The following CA10 variants were observed in gnomAD, a reference collection of about 807,000 sequenced individuals.
The protein encoded by CA10 is carbonic anhydrase-related protein 10.
A neutral mutation model predicts 44.2 loss-of-function variants in CA10; 14 were observed. That is an observed-to-expected ratio of 0.32 (90% CI 0.21 to 0.50). CA10 has a LOEUF of 0.50. CA10 is among the 20% of genes least tolerant of loss of function. The probability of loss-of-function intolerance (pLI) is 0.99; values close to 1 mark genes in which losing one functional copy is unlikely to be tolerated. For missense variants in CA10, 350 were observed against 409.7 expected (o/e 0.85, Z 1.26); for synonymous variants, 159 against 141.6 (o/e 1.12, Z -0.87).
chr17:51,856,077 G>A (rs1979027535), intron 3 of CA10, among the ~76,000 whole-genome samples: 1 of 152,200 alleles, frequency 6.6e-6, no homozygotes, highest in Non-Finnish European at 1.5e-5. Flanking sequence ...AAGCTGAAGA[G>A]GGTATTAGGA....
At chr17:52,012,169 T>C (rs1169905778) in intron 2 of CA10, among the ~76,000 whole-genome samples, 1 of 152,090 alleles carries the variant, frequency 6.6e-6, no homozygotes, top group African/African-American at 2.4e-5. Flanking sequence ...ATTATCTTGA[T>C]ATTACAGATG....
intron 3 of CA10, 98 bp downstream of exon 3, chr17:51,930,892 G>T: frequency 1.4e-6 from 2 of 1,408,870 alleles, no homozygotes; most frequent in Non-Finnish European, 2.0e-6. Context: ...TAGGTGGGAG[G>T]ACAAACTCAT....
At chr17:51,979,737 T>A (rs921218953) in intron 2 of CA10, among the ~76,000 whole-genome samples, 1 of 152,142 alleles carries the variant, frequency 6.6e-6, no homozygotes, top group Admixed American at 6.5e-5. Flanking sequence ...CCTTATTTGT[T>A]TACATGGATT....
In CA10 at chr17:51,685,126, A is replaced by C. The variant is rs76910609; in HGVS notation, c.466-31390T>G. 9.8e-5 allele frequency among the ~76,000 whole-genome samples: 15 copies of C among 152,320 alleles called. No individual in the cohort carries two copies. The East Asian group carries it at 2.9e-3, about 29-fold the overall frequency. On this transcript the variant is annotated intron_variant, in intron 4 of 8. Transcript: ENST00000451037. ...ACAAATATATGTTTGATCTCCAGAA[A>C]TATCCCTTACAATTAGGCTAGGGAT...
intron 3 of CA10, among the ~76,000 whole-genome samples, chr17:51,876,502 A>G (rs1980088526): frequency 6.6e-6 from 1 of 151,920 alleles, no homozygotes; most frequent in Non-Finnish European, 1.5e-5. Flanking sequence ...CTTTAGTGCA[A>G]AATGTCTCCA....
intron 3 of CA10, among the ~76,000 whole-genome samples, chr17:51,802,992 C>T (rs1351176790): frequency 1.3e-5 from 2 of 152,162 alleles, no homozygotes; most frequent in Non-Finnish European, 2.9e-5. Context: ...AATCTCAGGA[C>T]CCTGCCAGTT....
At chr17:52,086,204 G>A (rs1988113199) in intron 1 of CA10, among the ~76,000 whole-genome samples, 1 of 152,176 alleles carries the variant, frequency 6.6e-6, no homozygotes, top group African/African-American at 2.4e-5. Context: ...TTAAGATAAT[G>A]ATAGTGTTGA....
intron 1 of CA10, among the ~76,000 whole-genome samples, chr17:52,115,081 A>T (rs1988864078): frequency 6.6e-6 from 1 of 152,226 alleles, no homozygotes; most frequent in African/African-American, 2.4e-5. Context: ...GCCCACATGC[A>T]CTGAAGGAAT....
At chr17:51,634,377 A>G (rs1030239959) in intron 7 of CA10, among the ~76,000 whole-genome samples, 1 of 152,186 alleles carries the variant, frequency 6.6e-6, no homozygotes, top group Admixed American at 6.5e-5. Context: ...CAATACAGAT[A>G]GGTTAAGGAA....
intron 8 of CA10, 87 bp from the exon 9 acceptor site, chr17:51,631,693 T>A: frequency 8.6e-7 from 1 of 1,159,770 alleles, no homozygotes; most frequent in Non-Finnish European, 1.3e-6. Flanking sequence ...TTTTAGAGAA[T>A]TCCTCCAGAG....
At chr17:51,714,776 T>C (rs1916045985) in intron 4 of CA10, among the ~76,000 whole-genome samples, 3 of 152,190 alleles carry the variant, frequency 2.0e-5, no homozygotes, top group African/African-American at 4.8e-5. Context: ...TCTACACCTA[T>C]GAGGGATGAT....
At chr17:51,634,307 A>T (rs1020326344) in intron 7 of CA10, among the ~76,000 whole-genome samples, 4 of 152,190 alleles carry the variant, frequency 2.6e-5, no homozygotes, top group Admixed American at 2.0e-4. Flanking sequence ...CTCTCAAATA[A>T]ATGCTTTTTC....
At chr17:51,850,658 G>A (rs1356533631) in intron 3 of CA10, among the ~76,000 whole-genome samples, 1 of 152,210 alleles carries the variant, frequency 6.6e-6, no homozygotes, top group Admixed American at 6.5e-5. Flanking sequence ...CACATAGGCA[G>A]CAGATATTGC....
chr17:52,147,867 A>G (rs890738379), intron 1 of CA10, among the ~76,000 whole-genome samples: 2 of 152,090 alleles, frequency 1.3e-5, no homozygotes, highest in African/African-American at 4.8e-5. Context: ...TTTTTCTATA[A>G]CCCCTTTTTA....
chr17:51,829,752 GC>G (rs1402333013), intron 3 of CA10, among the ~76,000 whole-genome samples: 1 of 152,144 alleles, frequency 6.6e-6, no homozygotes, highest in Non-Finnish European at 1.5e-5. Context: ...CAAGTTGTTT[GC>G]TCAATCAAGG....
intron 2 of CA10, among the ~76,000 whole-genome samples, chr17:51,983,720 A>G (rs1316615806): frequency 6.6e-6 from 1 of 151,842 alleles, no homozygotes. Flanking sequence ...GTAAAGTTTC[A>G]GCAAACAATC....
chr17:51,638,543 G>A (rs957670855), intron 6 of CA10, among the ~76,000 whole-genome samples: 4 of 152,198 alleles, frequency 2.6e-5, no homozygotes, highest in African/African-American at 7.2e-5. Context: ...CACACACGAC[G>A]TGAGGGACCT....
rs145524658 is a variant in CA10, at chr17:51,890,117, A to G, written c.279+40873T>C. Among the ~76,000 whole-genome samples the G allele has an allele frequency of 1.6e-3, 247 of 152,338 alleles. 1 individual carries two copies. Among genetic ancestry groups the G allele is most frequent in the African/African-American group, 5.6e-3 (232 of 41,584 alleles). On this transcript the variant is annotated intron_variant, in intron 3 of 8. Coordinates refer to ENST00000451037, the MANE Select transcript of CA10 (RefSeq NM_020178.5). ...CTCCTGACATTCCATTAATGTGCCA[A>G]TGGCTTAGTGTTTTGCAAGGAACTT...
chr17:51,654,845 T>C lies in CA10; in HGVS notation c.466-1109A>G, dbSNP rs775441650. ...TGCTGGGATTACAGGTGTGAGCCAC[T>C]GCGCCCGGCCAGAAGCATAATTTTT... On this transcript the variant is annotated intron_variant, in intron 4 of 8. Coordinates refer to ENST00000451037, the MANE Select transcript of CA10 (RefSeq NM_020178.5). Among the ~76,000 whole-genome samples, 11 of 152,152 alleles carry C rather than the reference T, an allele frequency of 7.2e-5. 1 individual carries two copies. The highest frequency in any genetic ancestry group is 1.2e-4 in the Non-Finnish European group (8 of 68,030).
Sources: allele counts gnomAD v4.1 joint callset (sites outside exome capture counted in the v4.1 genomes callset), GRCh38; gene constraint gnomAD v4.1.1; transcripts MANE v1.5; gene names NCBI Gene and HGNC (gene_info 2026-07-23, HGNC 2026-07-21).